Variants in LHFPL3 observed in about 807,000 individuals in gnomAD.
The protein encoded by LHFPL3 is LHFPL tetraspan subfamily member 3 protein.
LHFPL3 carries 5 observed loss-of-function variants against 19.3 expected under a neutral mutation model. The observed-to-expected ratio is 0.26, with a 90% CI of 0.14 to 0.54. LHFPL3 has a LOEUF of 0.54. Among genes scored for constraint, LHFPL3 ranks in the 20% least tolerant of loss-of-function variants. The pLI is 0.94. For missense variants in LHFPL3, 249 were observed against 307.4 expected, an observed-to-expected ratio of 0.81 and a Z score of 1.42; for synonymous variants, 133 against 126.2, an observed-to-expected ratio of 1.05 and a Z score of -0.36.
At chr7:104,856,960 G>A (rs1340301567) in intron 2 of LHFPL3, among the ~76,000 whole-genome samples, 1 of 152,146 alleles carries the variant, frequency 6.6e-6, no homozygotes, top group Non-Finnish European at 1.5e-5. Context: ...TATTTGAGAG[G>A]CTTAGCAAAA....
intron 1 of LHFPL3, among the ~76,000 whole-genome samples, chr7:104,703,320 T>C (rs1467370976): frequency 6.6e-6 from 1 of 152,216 alleles, no homozygotes; most frequent in East Asian, 1.9e-4. Context: ...CTTTAGCATG[T>C]TTATTTTTAG....
At chr7:104,814,307 C>A (rs1456846597) in intron 2 of LHFPL3, among the ~76,000 whole-genome samples, 1 of 152,148 alleles carries the variant, frequency 6.6e-6, no homozygotes, top group Non-Finnish European at 1.5e-5. Flanking sequence ...CTCCTCTCTG[C>A]ACCTGGTCGA....
chr7:104,530,874 GTAA>G, intron 1 of LHFPL3, among the ~76,000 whole-genome samples: 1 of 152,100 alleles, frequency 6.6e-6, no homozygotes, highest in Non-Finnish European at 1.5e-5. Flanking sequence ...TACTTGTCTG[GTAA>G]TAAACAGTAA....
At chr7:104,555,005 C>T (rs1390425739) in intron 1 of LHFPL3, among the ~76,000 whole-genome samples, 4 of 152,168 alleles carry the variant, frequency 2.6e-5, no homozygotes, top group African/African-American at 9.7e-5. Context: ...ATTTCCTCTG[C>T]CTTTTGGTTT....
At chr7:104,671,570 T>TG (rs1562962559) in intron 1 of LHFPL3, among the ~76,000 whole-genome samples, 1 of 53,348 alleles carries the variant, frequency 1.9e-5, no homozygotes, top group Non-Finnish European at 4.6e-5. Flanking sequence ...TCTTTAAAGT[T>TG]CAAAAAAAAA....
intron 1 of LHFPL3, among the ~76,000 whole-genome samples, chr7:104,607,540 C>A (rs1791125485): frequency 6.6e-6 from 1 of 152,170 alleles, no homozygotes; most frequent in African/African-American, 2.4e-5. Context: ...ATGAGTAAGT[C>A]CAGGAAGACC....
chr7:104,360,963 T>C (rs1016222922), intron 1 of LHFPL3, among the ~76,000 whole-genome samples: 2 of 152,186 alleles, frequency 1.3e-5, no homozygotes, highest in African/African-American at 2.4e-5. Flanking sequence ...AGAATGACTT[T>C]TACATTTTTT....
At chr7:104,341,261 A>C (rs1476989057) in intron 1 of LHFPL3, among the ~76,000 whole-genome samples, 2 of 152,164 alleles carry the variant, frequency 1.3e-5, no homozygotes, top group African/African-American at 2.4e-5. Context: ...ATGTTGTTCT[A>C]TTTTTCATTA....
At chr7:104,479,592 A>T (rs968186698) in intron 1 of LHFPL3, among the ~76,000 whole-genome samples, 1 of 152,034 alleles carries the variant, frequency 6.6e-6, no homozygotes, top group South Asian at 2.1e-4. Context: ...GCGTTTCACC[A>T]TGTTGGCCAG....
chr7:104,830,724 T>C (rs1381377685), intron 2 of LHFPL3, among the ~76,000 whole-genome samples: 1 of 151,932 alleles, frequency 6.6e-6, no homozygotes, highest in Non-Finnish European at 1.5e-5. Flanking sequence ...CATGCTGTTT[T>C]GGTTACTGTA....
At chr7:104,578,709 C>T (rs781028873) in intron 1 of LHFPL3, among the ~76,000 whole-genome samples, 1 of 152,090 alleles carries the variant, frequency 6.6e-6, no homozygotes, top group South Asian at 2.1e-4. Flanking sequence ...TACCCCCCTA[C>T]CCCCAACCAG....
At chr7:104,850,210 G>T (rs1481856305) in intron 2 of LHFPL3, among the ~76,000 whole-genome samples, 3 of 152,228 alleles carry the variant, frequency 2.0e-5, no homozygotes, top group African/African-American at 7.2e-5. Context: ...GCTGAGGCAG[G>T]AGAATCACTT....
intron 1 of LHFPL3, among the ~76,000 whole-genome samples, chr7:104,408,109 T>G (rs1001147409): frequency 2.0e-5 from 3 of 152,188 alleles, no homozygotes; most frequent in Non-Finnish European, 4.4e-5. Context: ...CTTGGCCCCA[T>G]TAACCCAGAT....
intron 1 of LHFPL3, among the ~76,000 whole-genome samples, chr7:104,442,694 TTA>T: frequency 6.6e-6 from 1 of 152,334 alleles, no homozygotes; most frequent in Middle Eastern, 3.4e-3. Context: ...TTTAGTTAGA[TTA>T]TTTAATTCTG....
At chr7:104,670,614 A>G (rs1792458697) in intron 1 of LHFPL3, among the ~76,000 whole-genome samples, 1 of 152,122 alleles carries the variant, frequency 6.6e-6, no homozygotes, top group South Asian at 2.1e-4. Flanking sequence ...TTCTCAAGCA[A>G]ATCGGTTTCT....
At chr7:104,506,020 T>G (rs968348302) in intron 1 of LHFPL3, among the ~76,000 whole-genome samples, 5 of 120,320 alleles carry the variant, frequency 4.2e-5, no homozygotes, top group Admixed American at 3.9e-4. Flanking sequence ...GAAAACTGAT[T>G]TTTTTTTTTT....
chr7:104,512,398 T>G (rs1201860415), intron 1 of LHFPL3, among the ~76,000 whole-genome samples: 1 of 152,012 alleles, frequency 6.6e-6, no homozygotes, highest in Non-Finnish European at 1.5e-5. Context: ...ACTCATGCGC[T>G]GCCTTCAGAG....
intron 1 of LHFPL3, among the ~76,000 whole-genome samples, chr7:104,709,900 TC>T (rs952815532): frequency 2.0e-5 from 3 of 150,848 alleles, no homozygotes; most frequent in Non-Finnish European, 4.4e-5. Flanking sequence ...GCAGAGACGC[TC>T]CTCACTTCCC....
chr7:104,841,900 C>T (rs960693798), intron 2 of LHFPL3, among the ~76,000 whole-genome samples: 4 of 152,006 alleles, frequency 2.6e-5, no homozygotes, highest in African/African-American at 4.8e-5. Context: ...TTTCTCCACT[C>T]CTGACACCAG....
Sources: allele counts gnomAD v4.1 joint callset (sites outside exome capture counted in the v4.1 genomes callset), GRCh38; gene constraint gnomAD v4.1.1; transcripts MANE v1.5; gene names NCBI Gene and HGNC (gene_info 2026-07-23, HGNC 2026-07-21).